ZNF680: variants seen among roughly 807,000 people sequenced by gnomAD.
ZNF680 encodes the protein zinc finger protein 680.
Under a neutral mutation model 12.1 loss-of-function variants are expected in ZNF680, and 6 were observed. The observed-to-expected ratio is 0.49, with a 90% confidence interval of 0.27 to 0.98. The LOEUF (loss-of-function observed/expected upper bound fraction) is 0.98. Among genes scored for constraint, ZNF680 ranks in the 50% least tolerant of loss-of-function variants. ZNF680 has a pLI of 0.12. For synonymous variants in ZNF680, 170 were observed against 199.3 expected, an observed-to-expected ratio of 0.85 and a Z score of 1.24; for missense variants, 561 against 616.3, an observed-to-expected ratio of 0.91 and a Z score of 0.95.
chr7:64,552,609 TAA>T, intron 1 of ZNF680, among the ~76,000 whole-genome samples: 1 of 152,330 alleles, frequency 6.6e-6, no homozygotes, highest in East Asian at 1.9e-4. Context: ...AATTTGGTAA[TAA>T]GTTTTATTTG....
chr7:64,512,070 A>G, the ZNF680 span, among the ~76,000 whole-genome samples: 2 of 151,880 alleles, frequency 1.3e-5, no homozygotes, highest in African/African-American at 4.8e-5. Context: ...CAAAAAAAAA[A>G]AAGCACTATT....
chr7:64,509,750 G>A, the ZNF680 span, among the ~76,000 whole-genome samples: 1 of 152,156 alleles, frequency 6.6e-6, no homozygotes, highest in South Asian at 2.1e-4. Flanking sequence ...AAATCCTGCC[G>A]ACTAGCTTCT....
chr7:64,534,645 G>A (rs1166538198), intron 3 of ZNF680, among the ~76,000 whole-genome samples: 1 of 152,144 alleles, frequency 6.6e-6, no homozygotes, highest in East Asian at 1.9e-4. Flanking sequence ...ATTTGACCCA[G>A]CAATCCCACT....
rs200199423 is a variant in ZNF680, at chr7:64,553,587, T to TA, written c.31-9156dup. Among the ~76,000 whole-genome samples, 160 of 151,140 alleles carry TA rather than the reference T, an allele frequency of 1.1e-3. 1 individual carries two copies. The highest frequency in any genetic ancestry group is 3.4e-3 in the African/African-American group (139 of 41,218). On this transcript the variant is annotated intron_variant, in intron 1 of 3. Transcript: ENST00000309683. ...AAAAGCAGAATACAGAAAGGTGTTA[T>TA]AAAAAAAAATCTGTGCCCTCTCCCT...
At chr7:64,526,525 TAAAC>T in intron 3 of ZNF680, 1 of 591,640 alleles carries the variant, frequency 1.7e-6, no homozygotes, top group Non-Finnish European at 2.8e-6. Flanking sequence ...ACTCTGCATA[TAAAC>T]AAACAGAAAT....
chr7:64,539,192 A>G (rs1786347619), intron 3 of ZNF680, among the ~76,000 whole-genome samples: 1 of 151,006 alleles, frequency 6.6e-6, no homozygotes, highest in South Asian at 2.1e-4. Flanking sequence ...TTATAAATAC[A>G]TAAAAAAAGT....
chr7:64,520,848 C>A lies in ZNF680; in HGVS notation c.*313G>T. The A allele has an allele frequency of 4.6e-6, 1 of 215,972 alleles. No individual in the cohort carries two copies. Among genetic ancestry groups the A allele is most frequent in the South Asian group, 8.9e-5 (1 of 11,204 alleles). The allele number at this position is 215,972 out of a possible 1,614,324, so 13.4% of individuals were successfully genotyped here. ...TAAAGTGTTATGTTTTCTGAAATTTCTTTTGACAGTAATTGCATTTATAAT... is the reference window on the plus strand; with the variant it reads ...TAAAGTGTTATGTTTTCTGAAATTTATTTTGACAGTAATTGCATTTATAAT... On this transcript the variant is annotated 3_prime_UTR_variant, in exon 4 of 4. Transcript: ENST00000309683.
the ZNF680 span, among the ~76,000 whole-genome samples, chr7:64,505,306 T>C: frequency 0.039 from 5,971 of 152,338 alleles, 380 homozygotes; most frequent in East Asian, 0.32. Flanking sequence ...CCATGCATTC[T>C]AGACATAATC....
At position 64,544,445 on chromosome 7, in the gene ZNF680, C is replaced by CACAG. The variant is rs1562763850; in HGVS notation, c.31-14_31-13insCTGT. 5 of 1,015,520 alleles carry CACAG rather than the reference C, an allele frequency of 4.9e-6. No individual in the cohort carries two copies. Among genetic ancestry groups the CACAG allele is most frequent in the Non-Finnish European group, 7.0e-6 (5 of 716,536 alleles). The allele number at this position is 1,015,520 out of a possible 1,614,324, so 62.9% of individuals were successfully genotyped here. On this transcript the variant is annotated splice_polypyrimidine_tract_variant and intron_variant, in intron 1 of 3. Coordinates refer to ENST00000309683, the MANE Select transcript of ZNF680 (RefSeq NM_178558.5). ...ATGTCAGTGGTCCCTGAAAAACACA[C>CACAG]ACACACACACACACACACACACACA...
At chr7:64,525,654 A>T in intron 3 of ZNF680, 3 of 560,596 alleles carry the variant, frequency 5.4e-6, no homozygotes, top group Non-Finnish European at 6.8e-6. Context: ...ATAAACATTT[A>T]AAAATATTCT....
chr7:64,549,567 G>A (rs1584395996), intron 1 of ZNF680, among the ~76,000 whole-genome samples: 1 of 152,150 alleles, frequency 6.6e-6, no homozygotes, highest in South Asian at 2.1e-4. Flanking sequence ...CAGATTCTAG[G>A]TGGCATCAAC....
intron 3 of ZNF680, among the ~76,000 whole-genome samples, chr7:64,527,857 G>A (rs1055207159): frequency 6.6e-5 from 10 of 152,194 alleles, no homozygotes; most frequent in South Asian, 2.1e-4. Context: ...GAAGGCTTGC[G>A]TCATAAATTT....
the ZNF680 span, among the ~76,000 whole-genome samples, chr7:64,505,686 T>C: frequency 6.6e-6 from 1 of 152,198 alleles, no homozygotes; most frequent in Non-Finnish European, 1.5e-5. Flanking sequence ...CTTCCTCCCA[T>C]TGACGTAATC....
intron 3 of ZNF680, among the ~76,000 whole-genome samples, chr7:64,532,176 G>T (rs1314306969): frequency 6.6e-6 from 1 of 151,868 alleles, no homozygotes; most frequent in East Asian, 1.9e-4. Flanking sequence ...ATGGTGGTGG[G>T]CACCTGTCGT....
chr7:64,543,915 A>C, intron 2 of ZNF680, 113 bp from the exon 3 acceptor site: 1 of 886,190 alleles, frequency 1.1e-6, no homozygotes, highest in Non-Finnish European at 1.7e-6. Flanking sequence ...TTAATCCCAA[A>C]TTACTAATTT....
intron 1 of ZNF680, among the ~76,000 whole-genome samples, chr7:64,549,838 C>A (rs569827285): frequency 6.6e-6 from 1 of 152,164 alleles, no homozygotes; most frequent in East Asian, 1.9e-4. Context: ...AAAAAATCAG[C>A]TGGGCGTGGT....
At chr7:64,522,560 C>A in intron 3 of ZNF680, 60 bp from the exon 4 acceptor site, 1 of 1,201,634 alleles carries the variant, frequency 8.3e-7, no homozygotes, top group Admixed American at 3.2e-5. Context: ...ATATATTTTA[C>A]ATATCAAATT....
chr7:64,560,201 C>T (rs1272348423), intron 1 of ZNF680, among the ~76,000 whole-genome samples: 1 of 151,528 alleles, frequency 6.6e-6, no homozygotes, highest in Admixed American at 6.6e-5. Context: ...GCAACCTCCA[C>T]CCCCCGGGTT....
chr7:64,539,376 G>GAAAAAAAAAAAAAA (rs1233424872), intron 3 of ZNF680, among the ~76,000 whole-genome samples: 2 of 72,054 alleles, frequency 2.8e-5, no homozygotes, highest in Non-Finnish European at 5.0e-5. Flanking sequence ...AAAAAAAAAA[G>GAAAAAAAAAAAAAA]AAAAGAAAAT....
Sources: gnomAD v4.1 joint callset for allele counts (sites outside exome capture counted in the v4.1 genomes callset) on GRCh38, gnomAD v4.1.1 for gene constraint, MANE v1.5 for transcripts, NCBI Gene and HGNC (gene_info 2026-07-23, HGNC 2026-07-21) for gene names.